The following SGCZ variants were observed in gnomAD, a reference collection of about 807,000 sequenced individuals.
SGCZ encodes the protein zeta-sarcoglycan.
In SGCZ, 40 loss-of-function variants were observed where a neutral mutation model predicts 41.3. The observed-to-expected ratio is 0.97, with a 90% CI of 0.75 to 1.26. The LOEUF is 1.26. SGCZ is among the 50% of genes most tolerant of loss of function. The pLI is 0.00. For missense variants in SGCZ, 552 were observed against 369.8 expected (o/e 1.49, Z -4.04); for synonymous variants, 206 against 137.5 (o/e 1.50, Z -3.49).
chr8:14,509,362 A>C (rs1182011545), intron 2 of SGCZ, among the ~76,000 whole-genome samples: 1 of 152,214 alleles, frequency 6.6e-6, no homozygotes, highest in Non-Finnish European at 1.5e-5. Flanking sequence ...TTTGCAACTT[A>C]AATGCAAAAG....
chr8:14,492,116 G>A (rs1020498404), intron 2 of SGCZ, among the ~76,000 whole-genome samples: 3 of 152,154 alleles, frequency 2.0e-5, no homozygotes, highest in Admixed American at 1.3e-4. Context: ...TACATAAAGC[G>A]AGAGAATAAT....
At position 14,801,868 on chromosome 8, in the gene SGCZ, G is replaced by A. The variant is rs535589719; in HGVS notation, c.40-246942C>T. 4.6e-5 allele frequency among the ~76,000 whole-genome samples: 7 copies of A among 152,274 alleles called. 1 individual carries two copies. The East Asian group carries it at 9.6e-4, about 21-fold the overall frequency. On this transcript the variant is annotated intron_variant, in intron 1 of 7. Transcript: ENST00000382080. ...TTAGAAAAGCAGACTGAAATATGGGGAAACCTGGCAAGTTTCCTAATGAGA... is the reference window on the plus strand; with the variant it reads ...TTAGAAAAGCAGACTGAAATATGGGAAAACCTGGCAAGTTTCCTAATGAGA...
At chr8:14,793,669 T>A (rs1402219657) in intron 1 of SGCZ, among the ~76,000 whole-genome samples, 1 of 152,130 alleles carries the variant, frequency 6.6e-6, no homozygotes, top group Non-Finnish European at 1.5e-5. Context: ...GTAAAGGGGA[T>A]TGCAAATGGG....
chr8:14,146,864 T>A (rs1350519233), intron 5 of SGCZ, among the ~76,000 whole-genome samples: 1 of 109,254 alleles, frequency 9.2e-6, no homozygotes. Context: ...AGAGCGAGAC[T>A]CCGTCTCAAA....
intron 3 of SGCZ, among the ~76,000 whole-genome samples, chr8:14,267,508 T>A (rs1048147803): frequency 5.3e-5 from 8 of 152,078 alleles, no homozygotes; most frequent in Non-Finnish European, 8.8e-5. Flanking sequence ...ACATCATTTT[T>A]ATTGTTTATT....
chr8:14,694,949 A>G (rs1202216489), intron 1 of SGCZ, among the ~76,000 whole-genome samples: 1 of 152,196 alleles, frequency 6.6e-6, no homozygotes, highest in African/African-American at 2.4e-5. Context: ...AAAGAAAAAA[A>G]TGATCTCAAA....
intron 1 of SGCZ, among the ~76,000 whole-genome samples, chr8:14,570,700 A>C (rs1242650293): frequency 6.6e-6 from 1 of 152,192 alleles, no homozygotes; most frequent in Admixed American, 6.5e-5. Context: ...ATACCTCCAG[A>C]TTTTGGAAAT....
intron 1 of SGCZ, among the ~76,000 whole-genome samples, chr8:15,042,471 C>T (rs1289124721): frequency 6.6e-6 from 1 of 152,174 alleles, no homozygotes; most frequent in Non-Finnish European, 1.5e-5. Context: ...CAAAGTAATT[C>T]ATTTCTGAAT....
At chr8:14,575,926 AAAAAAAAAAG>A (rs1804696003) in intron 1 of SGCZ, among the ~76,000 whole-genome samples, 1 of 151,150 alleles carries the variant, frequency 6.6e-6, no homozygotes, top group Non-Finnish European at 1.5e-5. Context: ...AAAAAAAAAA[AAAAAAAAAAG>A]AAAGAAAGAG....
At chr8:14,270,331 CA>C (rs201951632) in intron 3 of SGCZ, among the ~76,000 whole-genome samples, 71 of 147,378 alleles carry the variant, frequency 4.8e-4, no homozygotes, top group African/African-American at 1.3e-3. Context: ...AACTCCGTCT[CA>C]AAAAAAAAAT....
chr8:14,867,099 T>C (rs1366553309), intron 1 of SGCZ, among the ~76,000 whole-genome samples: 1 of 152,164 alleles, frequency 6.6e-6, no homozygotes, highest in African/African-American at 2.4e-5. Flanking sequence ...CCTAGACAAA[T>C]GCAATTTGTT....
chr8:14,345,045 CA>C (rs1055627620), intron 2 of SGCZ, among the ~76,000 whole-genome samples: 1 of 151,922 alleles, frequency 6.6e-6, no homozygotes, highest in Non-Finnish European at 1.5e-5. Context: ...TATACACACA[CA>C]ATTTTTTTCA....
chr8:14,401,740 A>G (rs1035564522), intron 2 of SGCZ, among the ~76,000 whole-genome samples: 1 of 151,720 alleles, frequency 6.6e-6, no homozygotes, highest in South Asian at 2.1e-4. Context: ...TAATGCCGCA[A>G]TAAACATACG....
rs1801644174 is a variant in SGCZ, at chr8:14,090,222, G to A, written c.*221C>T. On this transcript the variant is annotated 3_prime_UTR_variant, in exon 8 of 8. Transcript: ENST00000382080. ...GCAAAAGTCATGATCCAGTTTTCCT[G>A]CTGACGACGCTTTTTCCACTGCTGT... is the stretch of plus-strand genomic sequence containing the variant. 1 of 390,280 alleles carries A rather than the reference G, an allele frequency of 2.6e-6. No homozygotes were observed. Among genetic ancestry groups the A allele is most frequent in the Non-Finnish European group, 4.5e-6 (1 of 221,518 alleles). 24.2% of individuals were successfully genotyped at this position (390,280 alleles called of 1,614,324 possible). A position where few individuals can be genotyped will look rare whatever the true frequency, so the allele number is the denominator to read the frequency against.
At chr8:15,168,996 T>C (rs2117058216) in intron 1 of SGCZ, among the ~76,000 whole-genome samples, 1 of 152,320 alleles carries the variant, frequency 6.6e-6, no homozygotes, top group East Asian at 1.9e-4. Flanking sequence ...TTATGAGCTG[T>C]CTTTACCCCT....
In SGCZ at chr8:15,237,943, T is replaced by G; in HGVS notation, c.-320A>C. On this transcript the variant is annotated 5_prime_UTR_variant, in exon 1 of 8. Transcript: ENST00000382080. ...AAAAATCCACTCTATTTAAGATTATTTCTTCTTCTGCAATAAGCTTAGAAC... is the reference window on the plus strand; with the variant it reads ...AAAAATCCACTCTATTTAAGATTATGTCTTCTTCTGCAATAAGCTTAGAAC... 1 of 279,116 alleles carries G rather than the reference T, an allele frequency of 3.6e-6. No homozygotes were observed. Among genetic ancestry groups the G allele is most frequent in the Non-Finnish European group, 6.8e-6 (1 of 147,208 alleles). The allele number at this position is 279,116 out of a possible 1,614,324, so 17.3% of individuals were successfully genotyped here. A position where few individuals can be genotyped will look rare whatever the true frequency, so the allele number is the denominator to read the frequency against.
chr8:14,773,469 G>C (rs537355086), intron 1 of SGCZ, among the ~76,000 whole-genome samples: 82 of 152,266 alleles, frequency 5.4e-4, no homozygotes, highest in African/African-American at 1.9e-3. Flanking sequence ...TACGTATCCA[G>C]ATGGGGAAAG....
chr8:14,849,472 A>G (rs1157239398), intron 1 of SGCZ, among the ~76,000 whole-genome samples: 1 of 152,204 alleles, frequency 6.6e-6, no homozygotes, highest in Non-Finnish European at 1.5e-5. Context: ...TCATCAATAA[A>G]CAGAATCAGA....
chr8:14,612,143 T>C (rs191376543), intron 1 of SGCZ, among the ~76,000 whole-genome samples: 4 of 152,310 alleles, frequency 2.6e-5, no homozygotes, highest in African/African-American at 9.6e-5. Flanking sequence ...TTTCCTATTA[T>C]GGGAAAAGGT....
Sources: gnomAD v4.1 joint callset for allele counts (sites outside exome capture counted in the v4.1 genomes callset) on GRCh38, gnomAD v4.1.1 for gene constraint, MANE v1.5 for transcripts, NCBI Gene and HGNC (gene_info 2026-07-23, HGNC 2026-07-21) for gene names.